ACOX3: variants seen among roughly 807,000 people sequenced by gnomAD.
ACOX3 encodes peroxisomal acyl-coenzyme A oxidase 3.
In ACOX3, 73 loss-of-function variants were observed where a neutral mutation model predicts 81.5. The observed-to-expected ratio is 0.90, with a 90% CI of 0.74 to 1.09. ACOX3 has a LOEUF of 1.09. Among genes scored for constraint, ACOX3 ranks in the 50% least tolerant of loss-of-function variants. The pLI is 0.00. For missense variants in ACOX3, 947 were observed against 928.0 expected (o/e 1.02, Z -0.27); for synonymous variants, 387 against 375.1 (o/e 1.03, Z -0.37).
chr4:8,361,425 C>CAAAAAAAAAAAAAAAAAAAAAA (rs56251372), downstream of ACOX3, among the ~76,000 whole-genome samples: 1 of 39,034 alleles, frequency 2.6e-5, no homozygotes, highest in Non-Finnish European at 4.2e-5. Flanking sequence ...GACTCTATCT[C>CAAAAAAAAAAAAAAAAAAAAAA]AAAAAAAAAA....
rs1008095040 is a variant in ACOX3 at position 8,405,449 on chromosome 4, A to G, written c.776+506T>C. 6.6e-6 allele frequency among the ~76,000 whole-genome samples: 1 copy of G among 152,188 alleles called. No individual in the cohort carries two copies. Among genetic ancestry groups the G allele is most frequent in the Non-Finnish European group, 1.5e-5 (1 of 68,042 alleles). On this transcript the variant is annotated intron_variant, in intron 7 of 17. Coordinates refer to ENST00000356406, the MANE Select transcript of ACOX3 (RefSeq NM_003501.3). This position sits in a 1 kb window ranked among gnomAD's most constrained non-coding sequence, Gnocchi z 7.1. ...CCCGGTGTCACATGTGTGCTGCTAA[A>G]TAGATATATGTGGGCTGATTAAACA...
intron 17 of ACOX3, among the ~76,000 whole-genome samples, chr4:8,369,675 G>A (rs887811941): frequency 1.2e-4 from 18 of 152,228 alleles, no homozygotes; most frequent in Non-Finnish European, 2.4e-4. Flanking sequence ...GAGGCCAGGC[G>A]CTGGGCCCTC....
chr4:8,380,720 G>A (rs1368713562), intron 14 of ACOX3, among the ~76,000 whole-genome samples: 2 of 152,234 alleles, frequency 1.3e-5, no homozygotes, highest in African/African-American at 2.4e-5. Context: ...ACCGACGCTA[G>A]GGAGAAGGGG....
chr4:8,396,558 T>G (rs1719710396), intron 9 of ACOX3, among the ~76,000 whole-genome samples: 1 of 151,286 alleles, frequency 6.6e-6, no homozygotes, highest in Non-Finnish European at 1.5e-5. Context: ...ATGCCCATAA[T>G]CCCAGCTACT....
At chr4:8,398,826 T>A (rs1720018497) in intron 8 of ACOX3, among the ~76,000 whole-genome samples, 1 of 152,150 alleles carries the variant, frequency 6.6e-6, no homozygotes, top group African/African-American at 2.4e-5. Context: ...AAGCTTCCAA[T>A]CCCTAATTCA....
intron 5 of ACOX3, among the ~76,000 whole-genome samples, chr4:8,411,783 A>C (rs1462675898): frequency 6.6e-6 from 1 of 152,134 alleles, no homozygotes; most frequent in Non-Finnish European, 1.5e-5. Context: ...GTCTCCCCCC[A>C]GCCCACAACT....
intron 9 of ACOX3, 35 bp downstream of exon 9, chr4:8,396,902 G>T: frequency 6.3e-7 from 1 of 1,593,812 alleles, no homozygotes; most frequent in South Asian, 1.1e-5. Context: ...ATATAAAATA[G>T]AGAGACAGTG....
Position 8,405,852 on chromosome 4 carries a change from G to A in ACOX3, c.776+103C>T. 1 of 1,173,622 alleles carries A rather than the reference G, an allele frequency of 8.5e-7. No homozygotes were observed. The highest frequency in any genetic ancestry group is 2.3e-5 in the East Asian group (1 of 42,762). 72.7% of individuals were successfully genotyped at this position (1,173,622 alleles called of 1,614,324 possible). The stretch of plus-strand genomic sequence containing the variant: ...CCCCACCGCATTTGAGTCTAAGAGG[G>A]CAGGGCATGGCATCCATGGGGCCAG... On this transcript the variant is annotated intron_variant, in intron 7 of 17. Transcript: ENST00000356406. The surrounding 1 kb of genome is among the most constrained non-coding windows in gnomAD (Gnocchi z 7.1).
the ACOX3 span, among the ~76,000 whole-genome samples, chr4:8,361,054 T>C: frequency 2.0e-5 from 3 of 152,082 alleles, no homozygotes; most frequent in East Asian, 5.8e-4. Flanking sequence ...GTAAGAAAAG[T>C]GAAATGTGTC....
At position 8,399,442 on chromosome 4, in the gene ACOX3, C is replaced by G; in HGVS notation, c.873+114G>C. The G allele has an allele frequency of 1.1e-6, 1 of 898,532 alleles. No homozygotes were observed. The highest frequency in any genetic ancestry group is 1.7e-6 in the Non-Finnish European group (1 of 575,472). The allele number at this position is 898,532 out of a possible 1,614,324, so 55.7% of individuals were successfully genotyped here. On this transcript the variant is annotated intron_variant, in intron 8 of 17. Transcript: ENST00000356406. This position sits in a 1 kb window ranked among gnomAD's most constrained non-coding sequence, Gnocchi z 4.9. ...CCAGGAGAAGTATGCCCCAGCGACA[C>G]CTGGCCTACGTGGAGGGGTCTCCTT...
chr4:8,401,786 T>C (rs567771083), intron 7 of ACOX3, among the ~76,000 whole-genome samples: 1 of 152,296 alleles, frequency 6.6e-6, no homozygotes, highest in African/African-American at 2.4e-5. Flanking sequence ...CCTGCCTGCC[T>C]GTGGTGCCCC....
chr4:8,387,843 C>A (rs1464744210), intron 13 of ACOX3, among the ~76,000 whole-genome samples: 1 of 152,212 alleles, frequency 6.6e-6, no homozygotes, highest in Non-Finnish European at 1.5e-5. Flanking sequence ...TCAGGAGTGC[C>A]CTGTAGGACA....
downstream of ACOX3, among the ~76,000 whole-genome samples, chr4:8,365,987 G>A (rs1053717341): frequency 3.3e-5 from 5 of 152,182 alleles, no homozygotes; most frequent in African/African-American, 1.2e-4. Context: ...ACGGGGGTCA[G>A]GGGGCACCAG....
intron 16 of ACOX3, among the ~76,000 whole-genome samples, chr4:8,373,342 C>T (rs991963637): frequency 2.0e-5 from 3 of 151,714 alleles, no homozygotes; most frequent in Non-Finnish European, 4.4e-5. Context: ...ATGGGTGACG[C>T]TAAGGCGGTG....
chr4:8,359,747 C>T, the ACOX3 span, among the ~76,000 whole-genome samples: 1 of 152,310 alleles, frequency 6.6e-6, no homozygotes, highest in South Asian at 2.1e-4. The surrounding 1 kb of genome is among the most constrained non-coding windows in gnomAD (Gnocchi z 6.0). Flanking sequence ...TTTCTCTGAC[C>T]TCCCTGAGCG....
chr4:8,395,322 G>A (rs530024951), intron 9 of ACOX3, among the ~76,000 whole-genome samples: 1 of 149,030 alleles, frequency 6.7e-6, no homozygotes, highest in Non-Finnish European at 1.5e-5. Flanking sequence ...GTGGGTGGAT[G>A]GATGAATCCG....
intron 1 of ACOX3, among the ~76,000 whole-genome samples, chr4:8,420,197 A>G (rs973495592): frequency 7.2e-5 from 11 of 152,222 alleles, no homozygotes; most frequent in African/African-American, 2.7e-4. Flanking sequence ...ACAAGTACCT[A>G]TGGGCCCATG....
At chr4:8,408,701 C>G (rs1345442266) in intron 6 of ACOX3, among the ~76,000 whole-genome samples, 1 of 152,142 alleles carries the variant, frequency 6.6e-6, no homozygotes, top group Non-Finnish European at 1.5e-5. Context: ...GCACACGACT[C>G]CTAAAACCCT....
intron 6 of ACOX3, among the ~76,000 whole-genome samples, chr4:8,408,801 T>C (rs1470055385): frequency 6.8e-6 from 1 of 147,706 alleles, no homozygotes; most frequent in African/African-American, 2.5e-5. Context: ...AAGGTACAAT[T>C]AGGGGATTGA....
Sources: allele counts gnomAD v4.1 joint callset (sites outside exome capture counted in the v4.1 genomes callset), GRCh38; gene constraint gnomAD v4.1.1; non-coding constraint Gnocchi (gnomAD v3.1); transcripts MANE v1.5; gene names NCBI Gene and HGNC (gene_info 2026-07-23, HGNC 2026-07-21).